The following CEP83 variants were observed in gnomAD, a reference collection of about 807,000 sequenced individuals.
CEP83 encodes centrosomal protein of 83 kDa.
In CEP83, 70 loss-of-function variants were observed where a neutral mutation model predicts 101.9. The ratio of observed to expected loss-of-function variants is 0.69; its 90% CI spans 0.57 to 0.84. The LOEUF is 0.84. Ranked by LOEUF, CEP83 falls within the 40% of genes least tolerant of loss-of-function variation. The pLI, the probability that CEP83 is intolerant of heterozygous loss-of-function variation, is 0.00. For synonymous variants in CEP83, 264 were observed against 267.9 expected, an observed-to-expected ratio of 0.99 and a Z score of 0.14; for missense variants, 715 against 787.2, an observed-to-expected ratio of 0.91 and a Z score of 1.10.
chr12:94,300,434 AAGG>A, the CEP83 span, among the ~76,000 whole-genome samples: 2 of 152,162 alleles, frequency 1.3e-5, no homozygotes, highest in African/African-American at 2.4e-5. Flanking sequence ...GAAAAATAGC[AAGG>A]AGAACAGGAG....
chr12:94,348,754 A>C (rs2136730115), intron 11 of CEP83, among the ~76,000 whole-genome samples: 1 of 152,274 alleles, frequency 6.6e-6, no homozygotes, highest in African/African-American at 2.4e-5. Flanking sequence ...TGAAAACTGC[A>C]ATGCCCGCAG....
chr12:94,452,234 A>G (rs777848035), intron 1 of CEP83, among the ~76,000 whole-genome samples: 4 of 152,180 alleles, frequency 2.6e-5, no homozygotes, highest in Non-Finnish European at 5.9e-5. Context: ...TAGGAGACTG[A>G]TAAAATGTCA....
At chr12:94,383,628 C>A (rs1009920891) in intron 6 of CEP83, among the ~76,000 whole-genome samples, 23 of 152,102 alleles carry the variant, frequency 1.5e-4, no homozygotes, top group African/African-American at 5.1e-4. Context: ...TGTATTCAGA[C>A]CATTTACATT....
In CEP83 at chr12:94,378,802, T is replaced by C. The variant is rs1197540570; in HGVS notation, c.790A>G (p.Arg264Gly). The change falls in exon 7 of 17, where the codon AGA (arginine) becomes GGA (glycine). Residue 264 changes from arginine to glycine, a missense_variant. By Grantham distance (125) the Arg-to-Gly change is moderately radical. Transcript: ENST00000397809. Reference sequence around the variant, plus strand: ...AATTAGAATCTTACCTCCAGGGATCTGACTGTAGCCTGCATCTCAGCCAAC... The same window carrying C: ...AATTAGAATCTTACCTCCAGGGATCCGACTGTAGCCTGCATCTCAGCCAAC... ...RQLAEMQATV[R>G]SLEAEKQSAN... 5 of 1,613,920 alleles carry C rather than the reference T, an allele frequency of 3.1e-6. No homozygotes were observed. The highest frequency in any genetic ancestry group is 3.4e-6 in the Non-Finnish European group (4 of 1,179,950).
At chr12:94,434,467 G>C (rs927743734) in intron 2 of CEP83, among the ~76,000 whole-genome samples, 5 of 152,092 alleles carry the variant, frequency 3.3e-5, no homozygotes, top group Non-Finnish European at 7.4e-5. Context: ...TAAGAAAACC[G>C]GTTTAGAAAA....
At chr12:94,347,077 A>G (rs1313075789) in intron 11 of CEP83, among the ~76,000 whole-genome samples, 1 of 148,760 alleles carries the variant, frequency 6.7e-6, no homozygotes, top group African/African-American at 2.4e-5. Flanking sequence ...ATACACATAC[A>G]CACACACACA....
At chr12:94,315,433 C>T (rs1970520720) in intron 14 of CEP83, among the ~76,000 whole-genome samples, 1 of 152,066 alleles carries the variant, frequency 6.6e-6, no homozygotes, top group Non-Finnish European at 1.5e-5. Context: ...TTTTGAGTAA[C>T]CTGATTCCTA....
At chr12:94,404,213 G>C (rs1368213772) in intron 4 of CEP83, among the ~76,000 whole-genome samples, 3 of 151,952 alleles carry the variant, frequency 2.0e-5, no homozygotes, top group Non-Finnish European at 4.4e-5. Flanking sequence ...TTCAAACTCT[G>C]GTGTTAAAAA....
intron 11 of CEP83, among the ~76,000 whole-genome samples, chr12:94,364,881 G>C (rs1282753356): frequency 1.3e-5 from 2 of 152,054 alleles, no homozygotes; most frequent in East Asian, 3.9e-4. Flanking sequence ...ACTTCAAATA[G>C]ATCAGAGAAC....
the CEP83 span, among the ~76,000 whole-genome samples, chr12:94,299,381 C>CT: frequency 1.3e-5 from 2 of 152,158 alleles, no homozygotes; most frequent in African/African-American, 4.8e-5. Flanking sequence ...CTGGATAAGA[C>CT]TCAGAGTTAT....
At position 94,317,792 on chromosome 12, in the gene CEP83, A is replaced by G. The variant is rs982106105; in HGVS notation, c.1708-4775T>C. On this transcript the variant is annotated intron_variant, in intron 14 of 16. Transcript: ENST00000397809. ...GATTTATGTGTTTGTTTTTGTATCA[A>G]TATCATGCTGTTTTGGTTATTGTTG... Among the ~76,000 whole-genome samples the G allele has an allele frequency of 4.6e-5, 7 of 152,114 alleles. No individual in the cohort carries two copies. The East Asian group carries it at 1.3e-3, about 29-fold the overall frequency.
intron 1 of CEP83, among the ~76,000 whole-genome samples, chr12:94,452,141 T>C (rs976138858): frequency 2.6e-5 from 4 of 152,102 alleles, no homozygotes; most frequent in African/African-American, 9.7e-5. Flanking sequence ...AAAAGACAAA[T>C]TTATAGTGAT....
At chr12:94,425,319 G>GCAGGATC (rs1371568082) in intron 2 of CEP83, among the ~76,000 whole-genome samples, 22 of 152,136 alleles carry the variant, frequency 1.4e-4, no homozygotes, top group Admixed American at 1.4e-3. Context: ...ACATTGCATG[G>GCAGGATC]CAGGATCCAG....
intron 2 of CEP83, among the ~76,000 whole-genome samples, chr12:94,415,625 A>C (rs1045769074): frequency 8.5e-5 from 13 of 152,256 alleles, no homozygotes; most frequent in Admixed American, 3.9e-4. Context: ...TAATAATGAT[A>C]AAGGTTAAAT....
chr12:94,324,284 A>T (rs538634865), intron 14 of CEP83, among the ~76,000 whole-genome samples: 2 of 152,326 alleles, frequency 1.3e-5, no homozygotes, highest in African/African-American at 4.8e-5. Context: ...AAGGTTTTTA[A>T]CTAAAGATTT....
intron 8 of CEP83, among the ~76,000 whole-genome samples, chr12:94,374,761 A>G (rs957373376): frequency 1.3e-5 from 2 of 152,166 alleles, no homozygotes; most frequent in Non-Finnish European, 2.9e-5. Context: ...TTTATGTTAC[A>G]ATATTTTCTT....
Position 94,312,943 on chromosome 12 carries a change from T to G in CEP83, c.1782A>C (p.Glu594Asp). The G allele has an allele frequency of 1.9e-6, 3 of 1,588,052 alleles. No homozygotes were observed. The highest frequency in any genetic ancestry group is 1.7e-6 in the Non-Finnish European group (2 of 1,160,418). Residue 594 changes from glutamate to aspartate, a missense_variant, in exon 15 of 17, where the codon GAA (glutamate) becomes GAC (aspartate). By Grantham distance (45) the Glu-to-Asp change is conservative. Transcript: ENST00000397809. ...TTAAGACCTGATTTTCTGTTTCCAA[T>G]TCTTCTTTCTTTGCCTCCAAGACTT... Reference protein sequence around the residue: ...KVEVLEAKKEELETENQVLNR... With the variant: ...KVEVLEAKKEDLETENQVLNR...
chr12:94,403,604 G>A (rs1024035807), intron 4 of CEP83, among the ~76,000 whole-genome samples: 1 of 152,044 alleles, frequency 6.6e-6, no homozygotes, highest in Non-Finnish European at 1.5e-5. Context: ...GCAAAATAAA[G>A]GTGTAACAAT....
At chr12:94,336,829 CTT>C (rs1172888174) in intron 11 of CEP83, among the ~76,000 whole-genome samples, 6 of 144,232 alleles carry the variant, frequency 4.2e-5, no homozygotes, top group South Asian at 2.2e-4. Context: ...TGGGTGCCTT[CTT>C]TTTTTTTTTT....
Sources: gnomAD v4.1 joint callset for allele counts (sites outside exome capture counted in the v4.1 genomes callset) on GRCh38, gnomAD v4.1.1 for gene constraint, MANE v1.5 for transcripts, NCBI Gene and HGNC (gene_info 2026-07-23, HGNC 2026-07-21) for gene names.